The following PREX1 variants were observed in gnomAD, a reference collection of about 807,000 sequenced individuals.
PREX1 encodes phosphatidylinositol 3,4,5-trisphosphate-dependent Rac exchanger 1 protein.
PREX1 carries 41 observed loss-of-function variants against 198.3 expected under a neutral mutation model. The observed-to-expected ratio is 0.21, with a 90% CI of 0.16 to 0.27. The LOEUF (loss-of-function observed/expected upper bound fraction) is 0.27, where lower values mean the gene tolerates loss of function less well. PREX1 is among the 10% of genes least tolerant of loss of function. The pLI is 1.00. For missense variants in PREX1, 1,620 were observed against 2,200.7 expected (o/e 0.74, Z 5.28); for synonymous variants, 843 against 887.2 (o/e 0.95, Z 0.89).
In PREX1 at chr20:48,726,326, C is replaced by G. The variant is rs1348698305; in HGVS notation, c.585G>C (p.Pro195=). Residue 195 remains proline, a synonymous_variant, in exon 5 of 40, where the codon CCG becomes CCC. Transcript: ENST00000371941. Reference sequence around the variant, plus strand: ...GCGGGTACTTGCAGATCCTCTGGATCGGAGACAACAGGTAGCCTTCCAAAG... The same window carrying G: ...GCGGGTACTTGCAGATCCTCTGGATGGGAGACAACAGGTAGCCTTCCAAAG... ...DIPLEGYLLS[P]IQRICKYPLL... is the part of the protein sequence containing the mutation. 6 of 1,613,804 alleles carry G rather than the reference C, an allele frequency of 3.7e-6. No homozygotes were observed. In the African/African-American group the frequency reaches 8.0e-5, roughly 22 times the overall value.
At chr20:48,703,465 G>A (rs2089885895) in intron 6 of PREX1, among the ~76,000 whole-genome samples, 1 of 152,148 alleles carries the variant, frequency 6.6e-6, no homozygotes, top group Non-Finnish European at 1.5e-5. Flanking sequence ...AGAGCCCCTG[G>A]GACCCCCAGC....
intron 1 of PREX1, among the ~76,000 whole-genome samples, chr20:48,751,677 A>C (rs748760121): frequency 6.6e-5 from 10 of 152,184 alleles, no homozygotes; most frequent in Admixed American, 2.6e-4. Context: ...TCAGGTCAAA[A>C]GCAGCTCTCA....
At chr20:48,799,371 C>T (rs2090376087) in intron 1 of PREX1, among the ~76,000 whole-genome samples, 1 of 152,152 alleles carries the variant, frequency 6.6e-6, no homozygotes. Flanking sequence ...TGCAGACAGG[C>T]CTGGAAGAGG....
At chr20:48,752,910 A>G (rs1883744) in intron 1 of PREX1, among the ~76,000 whole-genome samples, 53,846 of 152,064 alleles carry the variant, frequency 0.35, 10,420 homozygotes, top group Non-Finnish European at 0.43. Flanking sequence ...TGTTTCAAAC[A>G]TCCTTACTGT....
intron 1 of PREX1, among the ~76,000 whole-genome samples, chr20:48,790,065 G>C (rs2090331303): frequency 6.6e-6 from 1 of 152,194 alleles, no homozygotes; most frequent in Admixed American, 6.5e-5. Flanking sequence ...AAGTCAGACT[G>C]CTGGTTCATG....
chr20:48,712,539 G>A (rs1305440061), intron 5 of PREX1, among the ~76,000 whole-genome samples: 2 of 152,190 alleles, frequency 1.3e-5, no homozygotes, highest in African/African-American at 2.4e-5. Context: ...GGTTCCCTGT[G>A]GGGCTGCCAA....
At chr20:48,680,549 C>A (rs2089742924) in intron 11 of PREX1, among the ~76,000 whole-genome samples, 1 of 152,172 alleles carries the variant, frequency 6.6e-6, no homozygotes, top group African/African-American at 2.4e-5. Context: ...CCTACCACGC[C>A]CCCTCCTCAC....
At chr20:48,864,647 T>C in the PREX1 span, among the ~76,000 whole-genome samples, 1 of 152,214 alleles carries the variant, frequency 6.6e-6, no homozygotes, top group Non-Finnish European at 1.5e-5. Context: ...TCTATGCACT[T>C]AACCACTGCT....
At chr20:48,728,457 G>A (rs1340401575) in intron 4 of PREX1, among the ~76,000 whole-genome samples, 7 of 152,242 alleles carry the variant, frequency 4.6e-5, no homozygotes, top group Non-Finnish European at 4.4e-5. Context: ...AGCTCTGCCT[G>A]GAAAAGCAGA....
At chr20:48,652,491 AGGAGG>A (rs1285723907) in intron 21 of PREX1, 90 bp downstream of exon 21, 44 of 1,437,452 alleles carry the variant, frequency 3.1e-5, no homozygotes, top group East Asian at 9.8e-5. Flanking sequence ...ACTGGCTGGG[AGGAGG>A]GGAGGGGAGG....
intron 16 of PREX1, among the ~76,000 whole-genome samples, chr20:48,659,262 A>AAGGAAGGAAGGG (rs143111463): frequency 3.0e-4 from 40 of 134,530 alleles, no homozygotes; most frequent in Admixed American, 6.4e-4. Context: ...GGAAGGAAGG[A>AAGGAAGGAAGGG]CGGGCACGAG....
At chr20:48,660,319 T>C (rs1179659576) in intron 15 of PREX1, among the ~76,000 whole-genome samples, 1 of 152,208 alleles carries the variant, frequency 6.6e-6, no homozygotes, top group Non-Finnish European at 1.5e-5. Context: ...TACAAAGCCA[T>C]AGTAACACAC....
chr20:48,682,433 AT>A (rs2089757752), intron 10 of PREX1, among the ~76,000 whole-genome samples: 1 of 152,078 alleles, frequency 6.6e-6, no homozygotes, highest in Non-Finnish European at 1.5e-5. Flanking sequence ...TTTATTGGCC[AT>A]CTCCCCCAAC....
At chr20:48,651,644 A>G (rs887525575) in intron 21 of PREX1, 61 bp from the exon 22 acceptor site, 3 of 1,528,512 alleles carry the variant, frequency 2.0e-6, no homozygotes, top group African/African-American at 1.4e-5. Flanking sequence ...AGGCGAGGCG[A>G]GGAGGATTCT....
chr20:48,662,179 A>G (rs2089601747), intron 15 of PREX1, among the ~76,000 whole-genome samples: 1 of 152,078 alleles, frequency 6.6e-6, no homozygotes, highest in African/African-American at 2.4e-5. Context: ...CAGACACACA[A>G]ATTGCCACTT....
intron 1 of PREX1, among the ~76,000 whole-genome samples, chr20:48,764,083 T>G (rs1211931981): frequency 1.3e-5 from 2 of 152,184 alleles, no homozygotes; most frequent in Non-Finnish European, 1.5e-5. Context: ...TCTCTTGCGA[T>G]CTCAGCTTCC....
At chr20:48,868,008 AT>A in the PREX1 span, among the ~76,000 whole-genome samples, 1 of 151,962 alleles carries the variant, frequency 6.6e-6, no homozygotes, top group African/African-American at 2.4e-5. Flanking sequence ...TGTGCCACTC[AT>A]TAACCTGTTT....
intron 23 of PREX1, 86 bp downstream of exon 23, chr20:48,650,808 C>T: frequency 6.6e-7 from 1 of 1,510,722 alleles, no homozygotes; most frequent in Non-Finnish European, 9.0e-7. Context: ...TTGGGTTGGG[C>T]TTTGTAATTT....
chr20:48,840,418 T>C, the PREX1 span, among the ~76,000 whole-genome samples: 1 of 152,160 alleles, frequency 6.6e-6, no homozygotes, highest in African/African-American at 2.4e-5. Flanking sequence ...TCCAAACTCC[T>C]TGAAGCAATG....
Sources: allele counts gnomAD v4.1 joint callset (sites outside exome capture counted in the v4.1 genomes callset), GRCh38; gene constraint gnomAD v4.1.1; transcripts MANE v1.5; gene names NCBI Gene and HGNC (gene_info 2026-07-23, HGNC 2026-07-21).